The following PALLD variants were observed in gnomAD, a reference collection of about 807,000 sequenced individuals.
PALLD encodes palladin.
PALLD carries 61 observed loss-of-function variants against 123.5 expected under a neutral mutation model. The observed-to-expected ratio is 0.49, with a 90% CI of 0.40 to 0.61. PALLD has a LOEUF of 0.61. Ranked by LOEUF, PALLD falls within the 20% of genes least tolerant of loss-of-function variation. The pLI is 0.00. For synonymous variants in PALLD, 465 were observed against 496.4 expected (o/e 0.94, Z 0.84); for missense variants, 1,273 against 1,377.0 (o/e 0.92, Z 1.20).
intron 10 of PALLD, among the ~76,000 whole-genome samples, chr4:168,882,436 A>T (rs1283473511): frequency 2.0e-5 from 3 of 152,236 alleles, no homozygotes; most frequent in Non-Finnish European, 4.4e-5. Context: ...AAAACTTTGT[A>T]ACAAATTTAA....
intron 10 of PALLD, among the ~76,000 whole-genome samples, chr4:168,873,244 G>C (rs1467269882): frequency 6.6e-6 from 1 of 152,196 alleles, no homozygotes; most frequent in African/African-American, 2.4e-5. Flanking sequence ...GGTGCTGTGA[G>C]GATGCCGAAA....
intron 2 of PALLD, among the ~76,000 whole-genome samples, chr4:168,607,372 C>T (rs1034187319): frequency 1.3e-5 from 2 of 152,114 alleles, no homozygotes; most frequent in Non-Finnish European, 2.9e-5. Context: ...CACACAGTGA[C>T]CGGAGGTGTA....
chr4:168,813,614 C>T (rs1448956518), intron 10 of PALLD, among the ~76,000 whole-genome samples: 3 of 152,076 alleles, frequency 2.0e-5, no homozygotes, highest in Non-Finnish European at 4.4e-5. Context: ...CATGCCACCA[C>T]ACCCAGCTAA....
chr4:168,532,725 G>A (rs1239738128), intron 2 of PALLD, among the ~76,000 whole-genome samples: 3 of 152,116 alleles, frequency 2.0e-5, no homozygotes, highest in African/African-American at 4.8e-5. Context: ...ATAAATAGGG[G>A]AAAAGGATAG....
chr4:168,685,503 T>C lies in PALLD; in HGVS notation c.1279T>C (p.Tyr427His), dbSNP rs748733768. 6.2e-7 allele frequency: 1 copy of C among 1,611,962 alleles called. No individual in the cohort carries two copies. The highest frequency in any genetic ancestry group is 1.1e-5 in the South Asian group (1 of 91,016). Residue 427 changes from tyrosine (Y) to histidine (H), a missense_variant, in exon 6 of 22, where the codon TAT (tyrosine) becomes CAT (histidine). Coordinates refer to ENST00000505667, the MANE Select transcript of PALLD (RefSeq NM_001166108.2). ...PVQQVHSPTS[Y>H]LCRPDGTTTA... is the part of the protein sequence containing the mutation. ...TTTGCAGGTTCACAGTCCAACTTCA[T>C]ATCTCTGCCGACCTGATGGAACCAC...
chr4:168,807,279 A>G (rs568347182), intron 10 of PALLD, among the ~76,000 whole-genome samples: 53 of 133,134 alleles, frequency 4.0e-4, no homozygotes, highest in African/African-American at 1.3e-3. Flanking sequence ...ACACACACGC[A>G]CACACACACA....
intron 8 of PALLD, among the ~76,000 whole-genome samples, chr4:168,701,785 G>A (rs1783697077): frequency 6.6e-6 from 1 of 152,166 alleles, no homozygotes; most frequent in Non-Finnish European, 1.5e-5. Flanking sequence ...CTAAGCCCTG[G>A]GAAGATAGTC....
At chr4:168,901,847 T>C (rs6817233) in intron 14 of PALLD, among the ~76,000 whole-genome samples, 103,836 of 152,066 alleles carry the variant, frequency 0.68, 37,130 homozygotes, top group East Asian at 0.96. Context: ...GGGACAGAGC[T>C]AGACTCATCT....
At chr4:168,842,843 A>G (rs1025453145) in intron 10 of PALLD, among the ~76,000 whole-genome samples, 3 of 152,236 alleles carry the variant, frequency 2.0e-5, no homozygotes, top group Non-Finnish European at 4.4e-5. Flanking sequence ...GTTTTGGAGA[A>G]ATAAAAAGAT....
At chr4:168,512,532 C>A (rs1224264018) in intron 2 of PALLD, 120 bp downstream of exon 2, 3 of 964,288 alleles carry the variant, frequency 3.1e-6, no homozygotes, top group Non-Finnish European at 4.8e-6. Flanking sequence ...AGAGTACTTG[C>A]AAGGAGAGAA....
intron 10 of PALLD, among the ~76,000 whole-genome samples, chr4:168,803,086 T>C (rs540711718): frequency 6.6e-6 from 1 of 152,322 alleles, no homozygotes; most frequent in South Asian, 2.1e-4. Context: ...GAATCTCAAA[T>C]GTATTAGTCC....
intron 15 of PALLD, among the ~76,000 whole-genome samples, chr4:168,908,483 C>T (rs1217752521): frequency 1.6e-4 from 24 of 151,968 alleles, no homozygotes; most frequent in Middle Eastern, 3.4e-3. Flanking sequence ...ATAGTCATGT[C>T]ATAAAAGGTG....
chr4:168,773,664 C>T (rs184416007), intron 10 of PALLD, among the ~76,000 whole-genome samples: 14 of 152,224 alleles, frequency 9.2e-5, no homozygotes, highest in African/African-American at 2.4e-4. Context: ...TGTACTGCCC[C>T]GCTGTGAATT....
intron 2 of PALLD, among the ~76,000 whole-genome samples, chr4:168,566,580 A>G (rs975716712): frequency 8.5e-5 from 13 of 152,118 alleles, no homozygotes; most frequent in Non-Finnish European, 7.4e-5. Context: ...TTACAGGGAT[A>G]AGCCACCATG....
At chr4:168,542,598 A>G (rs1434521619) in intron 2 of PALLD, among the ~76,000 whole-genome samples, 1 of 149,744 alleles carries the variant, frequency 6.7e-6, no homozygotes, top group African/African-American at 2.5e-5. Context: ...TAAACAGAAA[A>G]ATTATACCAT....
chr4:168,905,790 C>CTTTTTTTTTTTTTTT (rs59427697), intron 15 of PALLD, among the ~76,000 whole-genome samples: 72 of 113,132 alleles, frequency 6.4e-4, no homozygotes, highest in Non-Finnish European at 9.0e-4. Context: ...GCTTTTTTTT[C>CTTTTTTTTTTTTTTT]TTTTTTTTTT....
chr4:168,788,312 A>G (rs1237858811), intron 10 of PALLD, among the ~76,000 whole-genome samples: 1 of 152,114 alleles, frequency 6.6e-6, no homozygotes, highest in African/African-American at 2.4e-5. Context: ...CTTTGTGTTT[A>G]GAGGCAGCAT....
At chr4:168,897,362 T>A (rs1204711349) in intron 13 of PALLD, among the ~76,000 whole-genome samples, 2 of 152,234 alleles carry the variant, frequency 1.3e-5, no homozygotes, top group Admixed American at 6.5e-5. Flanking sequence ...AAACACTGAG[T>A]AACTTCTTTA....
intron 2 of PALLD, among the ~76,000 whole-genome samples, chr4:168,663,728 T>G (rs1779348975): frequency 6.6e-6 from 1 of 152,208 alleles, no homozygotes; most frequent in Admixed American, 6.5e-5. Context: ...TTAACCTCAT[T>G]CATTTGATAA....
Sources: allele counts gnomAD v4.1 joint callset (sites outside exome capture counted in the v4.1 genomes callset), GRCh38; gene constraint gnomAD v4.1.1; transcripts MANE v1.5; gene names NCBI Gene and HGNC (gene_info 2026-07-23, HGNC 2026-07-21).